Variants in PID1 observed in about 807,000 individuals in gnomAD.
PID1 encodes the protein phosphotyrosine interaction domain containing 1.
A neutral mutation model predicts 19.1 loss-of-function variants in PID1; 10 were observed. That is an observed-to-expected ratio of 0.52 (90% CI 0.32 to 0.89). The LOEUF is 0.89. Ranked by LOEUF, PID1 falls within the 40% of genes least tolerant of loss-of-function variation. PID1 has a pLI of 0.03. For missense variants in PID1, 248 were observed against 285.3 expected, an observed-to-expected ratio of 0.87 and a Z score of 0.94; for synonymous variants, 130 against 116.0, an observed-to-expected ratio of 1.12 and a Z score of -0.78.
chr2:229,249,574 T>C (rs1487201275), intron 1 of PID1, among the ~76,000 whole-genome samples: 2 of 152,216 alleles, frequency 1.3e-5, no homozygotes, highest in Non-Finnish European at 2.9e-5. Context: ...CCTCAGCTTC[T>C]AGGCTTTTGG....
At chr2:229,043,936 C>A (rs1693824387) in intron 2 of PID1, among the ~76,000 whole-genome samples, 1 of 152,162 alleles carries the variant, frequency 6.6e-6, no homozygotes, top group Admixed American at 6.5e-5. Context: ...CAGCTCAAAT[C>A]CTTTGAAGTC....
At chr2:229,137,279 C>T (rs550662538) in intron 2 of PID1, among the ~76,000 whole-genome samples, 2 of 152,260 alleles carry the variant, frequency 1.3e-5, no homozygotes, top group Non-Finnish European at 2.9e-5. Context: ...CTGTCAAATG[C>T]GCTACACTCA....
chr2:229,103,571 ATTTTTT>A (rs60510809), intron 2 of PID1, among the ~76,000 whole-genome samples: 13 of 76,234 alleles, frequency 1.7e-4, no homozygotes, highest in Non-Finnish European at 2.7e-4. Flanking sequence ...ATATGCTGGA[ATTTTTT>A]TTTTTTTTTT....
At chr2:229,208,005 C>G (rs1279006619) in intron 1 of PID1, among the ~76,000 whole-genome samples, 1 of 152,198 alleles carries the variant, frequency 6.6e-6, no homozygotes, top group Non-Finnish European at 1.5e-5. Context: ...TTTTACAACT[C>G]AAGCAATAAC....
chr2:229,258,554 T>C (rs1476552110), intron 1 of PID1, among the ~76,000 whole-genome samples: 1 of 152,170 alleles, frequency 6.6e-6, no homozygotes, highest in Non-Finnish European at 1.5e-5. Context: ...ACATACACAT[T>C]TTTAACAGCT....
At chr2:229,260,456 A>T (rs1013751471) in intron 1 of PID1, among the ~76,000 whole-genome samples, 1 of 127,664 alleles carries the variant, frequency 7.8e-6, no homozygotes, top group Admixed American at 8.0e-5. Flanking sequence ...AATTTTTTAA[A>T]AAGTTGCATA....
chr2:229,219,605 C>T lies in PID1; in HGVS notation c.30+51409G>A, dbSNP rs183808403. Among the ~76,000 whole-genome samples, 1,087 of 152,270 alleles carry T rather than the reference C, an allele frequency of 7.1e-3. 28 individuals carry two copies. Among genetic ancestry groups the T allele is most frequent in the Middle Eastern group, 6.8e-3 (2 of 294 alleles). Reference sequence around the variant, plus strand: ...CTGGAATGCAGTGGCACAATCATAGCTCATTGCAGCTTCAAACTCCTAGGC... The same window carrying T: ...CTGGAATGCAGTGGCACAATCATAGTTCATTGCAGCTTCAAACTCCTAGGC... On this transcript the variant is annotated intron_variant, in intron 1 of 2. Transcript: ENST00000392055.
intron 1 of PID1, chr2:229,262,756 C>T: frequency 6.4e-7 from 1 of 1,551,596 alleles, no homozygotes. Context: ...TGGAGAAGAA[C>T]ATGTCCTCGA....
At chr2:229,149,217 G>A (rs963913796) in intron 2 of PID1, among the ~76,000 whole-genome samples, 1 of 151,754 alleles carries the variant, frequency 6.6e-6, no homozygotes, top group East Asian at 1.9e-4. Context: ...ATGTGATGAG[G>A]GTGGTCACAT....
intron 2 of PID1, among the ~76,000 whole-genome samples, chr2:229,070,980 CAT>C (rs545176087): frequency 6.6e-6 from 1 of 152,170 alleles, no homozygotes; most frequent in Non-Finnish European, 1.5e-5. Context: ...ACATGCTTCA[CAT>C]GTTTTAATTT....
At chr2:229,057,044 ATT>A (rs1694117558) in intron 2 of PID1, among the ~76,000 whole-genome samples, 1 of 125,406 alleles carries the variant, frequency 8.0e-6, no homozygotes, top group African/African-American at 3.3e-5. Context: ...TTTTTATTTT[ATT>A]ATTTTTGCTG....
chr2:229,214,611 ACTAT>A (rs1354106336), intron 1 of PID1, among the ~76,000 whole-genome samples: 7 of 152,176 alleles, frequency 4.6e-5, no homozygotes, highest in African/African-American at 1.2e-4. Flanking sequence ...CTTTTCACTA[ACTAT>A]CTACCTGTTC....
At chr2:229,086,813 C>T (rs115249347) in intron 2 of PID1, among the ~76,000 whole-genome samples, 259 of 152,066 alleles carry the variant, frequency 1.7e-3, no homozygotes, top group Middle Eastern at 0.01. Flanking sequence ...GCAGCAATGC[C>T]GTCTTTCAGT....
At chr2:229,028,011 G>T (rs1488859916) in intron 2 of PID1, among the ~76,000 whole-genome samples, 1 of 152,162 alleles carries the variant, frequency 6.6e-6, no homozygotes, top group Non-Finnish European at 1.5e-5. Flanking sequence ...AGGCCTGACT[G>T]ATAGCAGAGA....
intron 2 of PID1, among the ~76,000 whole-genome samples, chr2:229,145,128 G>A (rs1360743155): frequency 1.5e-5 from 2 of 129,766 alleles, no homozygotes; most frequent in Non-Finnish European, 3.1e-5. Flanking sequence ...ATGACATAAC[G>A]AATGCTGAGT....
intron 1 of PID1, among the ~76,000 whole-genome samples, chr2:229,211,980 T>G (rs1012565261): frequency 5.9e-5 from 9 of 152,256 alleles, no homozygotes; most frequent in African/African-American, 1.7e-4. Flanking sequence ...AGAATCTTAG[T>G]TGATCTCAAA....
intron 2 of PID1, among the ~76,000 whole-genome samples, chr2:229,123,389 T>C (rs1695561571): frequency 6.6e-6 from 1 of 152,270 alleles, no homozygotes; most frequent in Non-Finnish European, 1.5e-5. Context: ...TAGACTATTT[T>C]ATGGACATAC....
intron 1 of PID1, among the ~76,000 whole-genome samples, chr2:229,237,331 T>C (rs139395329): frequency 1.1e-4 from 16 of 152,290 alleles, no homozygotes; most frequent in African/African-American, 3.6e-4. Flanking sequence ...ATGAATTACT[T>C]TGGTGGACAA....
chr2:229,130,185 C>G (rs142764968), intron 2 of PID1, among the ~76,000 whole-genome samples: 1 of 152,328 alleles, frequency 6.6e-6, no homozygotes, highest in African/African-American at 2.4e-5. Flanking sequence ...TTGACTAACT[C>G]TCTGTGTCAC....
Sources: gnomAD v4.1 joint callset for allele counts (sites outside exome capture counted in the v4.1 genomes callset) on GRCh38, gnomAD v4.1.1 for gene constraint, MANE v1.5 for transcripts, NCBI Gene and HGNC (gene_info 2026-07-23, HGNC 2026-07-21) for gene names.